JARID2: variants seen among roughly 807,000 people sequenced by gnomAD.
JARID2 encodes protein Jumonji.
A neutral mutation model predicts 125.6 loss-of-function variants in JARID2; 21 were observed. The ratio of observed to expected loss-of-function variants is 0.17; its 90% CI spans 0.12 to 0.24. JARID2 has a LOEUF of 0.24. JARID2 is among the 10% of genes least tolerant of loss of function. The pLI, the probability that JARID2 is intolerant of heterozygous loss-of-function variation, is 1.00. For missense variants in JARID2, 1,303 were observed against 1,639.6 expected (o/e 0.79, Z 3.55); for synonymous variants, 736 against 661.6 (o/e 1.11, Z -1.73).
rs190249977 is a variant in JARID2 at position 15,407,744 on chromosome 6, C to T, written c.182-2480C>T. On this transcript the variant is annotated intron_variant, in intron 2 of 17. Coordinates refer to ENST00000341776, the MANE Select transcript of JARID2 (RefSeq NM_004973.4). ...CTTGCCGGCTGGCTCCATTGGCTCA[C>T]TCATTATCCTCTCCATCACATTCTT... 3.3e-5 allele frequency among the ~76,000 whole-genome samples: 5 copies of T among 152,294 alleles called. No individual in the cohort carries two copies. The East Asian group carries it at 9.7e-4, about 29-fold the overall frequency.
chr6:15,496,071 C>A, intron 6 of JARID2, 61 bp from the exon 7 acceptor site: 1 of 1,421,364 alleles, frequency 7.0e-7, no homozygotes, highest in South Asian at 1.3e-5. Context: ...GTGGGCCGGT[C>A]ATTTTAGTGG....
At chr6:15,248,245 AGGCTGGGCCGG>A (rs980328071) in intron 1 of JARID2, 6 of 139,040 alleles carry the variant, frequency 4.3e-5, no homozygotes, top group Non-Finnish European at 6.9e-5. Flanking sequence ...GGGTCGCGGC[AGGCTGGGCCGG>A]GGCTGGGCGG....
chr6:15,299,948 G>C (rs1056020353), intron 1 of JARID2, among the ~76,000 whole-genome samples: 2 of 152,140 alleles, frequency 1.3e-5, no homozygotes, highest in African/African-American at 4.8e-5. Flanking sequence ...TGGTATCTCA[G>C]GCCCTGTGGA....
intron 3 of JARID2, among the ~76,000 whole-genome samples, chr6:15,413,015 T>TTTG (rs1765964038): frequency 2.1e-5 from 2 of 94,438 alleles, no homozygotes; most frequent in Non-Finnish European, 4.7e-5. Context: ...TTTGTTTTTT[T>TTTG]TTTTTTTGTT....
intron 1 of JARID2, among the ~76,000 whole-genome samples, chr6:15,307,604 C>T (rs1187777477): frequency 2.6e-5 from 4 of 152,084 alleles, no homozygotes; most frequent in Non-Finnish European, 5.9e-5. Flanking sequence ...TGGTTCTTCT[C>T]CCCCACCAGA....
chr6:15,435,512 G>C (rs567244302), intron 3 of JARID2, among the ~76,000 whole-genome samples: 1 of 152,154 alleles, frequency 6.6e-6, no homozygotes, highest in African/African-American at 2.4e-5. Flanking sequence ...GGGAAATCAA[G>C]TTCAGGTTTG....
At position 15,500,939 on chromosome 6, in the gene JARID2, C is replaced by T. The variant is rs1273839023; in HGVS notation, c.1978C>T (p.Arg660Trp). 7 of 1,611,800 alleles carry T rather than the reference C, an allele frequency of 4.3e-6. No individual in the cohort carries two copies. The highest frequency in any genetic ancestry group is 2.7e-5 in the African/African-American group (2 of 74,836). The change falls in exon 8 of 18, where the codon CGG becomes TGG. Residue 660 changes from arginine (R) to tryptophan (W), a missense_variant. Coordinates refer to ENST00000341776, the MANE Select transcript of JARID2 (RefSeq NM_004973.4). ...TGAGCTCGACCTGGCCTGCTTTTTC[C>T]GGCTGATTAATGAGATGGGCGGCAT... ...GCELDLACFF[R>W]LINEMGGMQQ...
chr6:15,323,524 A>G (rs1196005196), intron 1 of JARID2, among the ~76,000 whole-genome samples: 1 of 152,176 alleles, frequency 6.6e-6, no homozygotes, highest in East Asian at 1.9e-4. Flanking sequence ...TTTACTTCAG[A>G]TCTTCAAATT....
chr6:15,388,916 C>T (rs1350559493), intron 2 of JARID2, among the ~76,000 whole-genome samples: 2 of 152,114 alleles, frequency 1.3e-5, no homozygotes, highest in African/African-American at 4.8e-5. Context: ...CCCTTGTCAT[C>T]TGGGTAATCC....
intron 8 of JARID2, among the ~76,000 whole-genome samples, chr6:15,501,965 TG>T (rs1770759713): frequency 1.3e-5 from 2 of 152,184 alleles, no homozygotes; most frequent in Admixed American, 1.3e-4. Context: ...GTGGACTCTG[TG>T]CGCTTGTTTT....
intron 4 of JARID2, 31 bp from the exon 5 acceptor site, chr6:15,468,511 T>C (rs1768856234): frequency 1.3e-6 from 2 of 1,594,566 alleles, no homozygotes; most frequent in South Asian, 2.3e-5. Context: ...TCAAGGCCTG[T>C]GTTTATGAGC....
chr6:15,513,192 A>T, intron 15 of JARID2, 47 bp from the exon 16 acceptor site: 1 of 1,557,516 alleles, frequency 6.4e-7, no homozygotes, highest in South Asian at 1.2e-5. Flanking sequence ...GCTGGTGAGC[A>T]TGGCAGGCCG....
intron 16 of JARID2, 41 bp from the exon 17 acceptor site, chr6:15,517,120 A>T (rs753323490): frequency 9.4e-6 from 14 of 1,483,096 alleles, no homozygotes; most frequent in Non-Finnish European, 1.2e-5. Context: ...GGCGCTGTGG[A>T]GCTGCCTCCT....
chr6:15,396,812 C>CT (rs1223166916), intron 2 of JARID2, among the ~76,000 whole-genome samples: 2 of 152,208 alleles, frequency 1.3e-5, no homozygotes, highest in African/African-American at 4.8e-5. Context: ...ACAGTGTTGT[C>CT]TTTTTTGATA....
chr6:15,329,600 T>C (rs1442073408), intron 1 of JARID2, among the ~76,000 whole-genome samples: 1 of 152,194 alleles, frequency 6.6e-6, no homozygotes, highest in African/African-American at 2.4e-5. Context: ...TTATCTTTAA[T>C]AAGCGGGTTA....
intron 2 of JARID2, among the ~76,000 whole-genome samples, chr6:15,375,410 G>T (rs1411925382): frequency 6.6e-6 from 1 of 152,186 alleles, no homozygotes; most frequent in Admixed American, 6.5e-5. Flanking sequence ...GGCCATAGTG[G>T]CTCAGTCATG....
intron 5 of JARID2, among the ~76,000 whole-genome samples, chr6:15,482,924 C>T (rs1042589846): frequency 3.5e-5 from 5 of 144,322 alleles, no homozygotes; most frequent in African/African-American, 9.8e-5. Context: ...CTTGTTAGCA[C>T]CTTTGGTAAT....
intron 5 of JARID2, among the ~76,000 whole-genome samples, chr6:15,480,110 T>C (rs1423779916): frequency 6.6e-6 from 1 of 152,246 alleles, no homozygotes; most frequent in East Asian, 1.9e-4. Flanking sequence ...AAACTTGCGG[T>C]GGATCTCTTT....
intron 1 of JARID2, among the ~76,000 whole-genome samples, chr6:15,249,533 A>G (rs945821794): frequency 2.0e-5 from 3 of 152,182 alleles, no homozygotes; most frequent in Non-Finnish European, 4.4e-5. Context: ...GTAAAATGGA[A>G]AAATACCTGC....
Sources: allele counts gnomAD v4.1 joint callset (sites outside exome capture counted in the v4.1 genomes callset), GRCh38; gene constraint gnomAD v4.1.1; transcripts MANE v1.5; gene names NCBI Gene and HGNC (gene_info 2026-07-23, HGNC 2026-07-21).